The following FMN1 variants were observed in gnomAD, a reference collection of about 807,000 sequenced individuals.
The protein encoded by FMN1 is formin 1, also known as formin-1.
FMN1 carries 110 observed loss-of-function variants against 132.4 expected under a neutral mutation model. The ratio of observed to expected loss-of-function variants is 0.83; its 90% CI spans 0.71 to 0.97. The LOEUF (loss-of-function observed/expected upper bound fraction) is 0.97, where lower values mean the gene tolerates loss of function less well. FMN1 is among the 50% of genes least tolerant of loss of function. The pLI is 0.00. For missense variants in FMN1, 1,792 were observed against 1,705.3 expected, an observed-to-expected ratio of 1.05 and a Z score of -0.90; for synonymous variants, 722 against 651.7, an observed-to-expected ratio of 1.11 and a Z score of -1.64.
rs73372967 is a variant in FMN1, at chr15:32,972,796, A to C, written c.2224-3319T>G. Among the ~76,000 whole-genome samples, 777 of 152,292 alleles carry C rather than the reference A, an allele frequency of 5.1e-3. 13 individuals carry two copies. The highest frequency in any genetic ancestry group is 0.018 in the African/African-American group (752 of 41,552). ...TTGGTACCTTGAGATCATATTTCCA[A>C]GTATCCTCTGGATTAATCTACTTAA... On this transcript the variant is annotated intron_variant, in intron 7 of 20. Transcript: ENST00000616417.
intron 16 of FMN1, among the ~76,000 whole-genome samples, chr15:32,868,916 G>T (rs2059453389): frequency 1.3e-5 from 2 of 152,110 alleles, no homozygotes; most frequent in Non-Finnish European, 2.9e-5. Context: ...GAGAAACAAG[G>T]AAATGAACAA....
intron 5 of FMN1, among the ~76,000 whole-genome samples, chr15:33,075,927 A>G (rs1173017916): frequency 6.6e-6 from 1 of 152,244 alleles, no homozygotes; most frequent in Non-Finnish European, 1.5e-5. Context: ...AAGATTACAG[A>G]CATGAAAATC....
intron 4 of FMN1, among the ~76,000 whole-genome samples, chr15:33,101,351 C>G (rs950172791): frequency 2.0e-5 from 3 of 151,990 alleles, no homozygotes; most frequent in African/African-American, 7.2e-5. Context: ...CTACATAATC[C>G]TGTAATCTAG....
intron 16 of FMN1, among the ~76,000 whole-genome samples, chr15:32,867,958 C>G (rs1317439929): frequency 6.6e-6 from 1 of 152,130 alleles, no homozygotes; most frequent in Non-Finnish European, 1.5e-5. Flanking sequence ...TAATGTCTAT[C>G]TAGTGAAAGC....
At chr15:33,046,458 G>C (rs781596509) in intron 6 of FMN1, among the ~76,000 whole-genome samples, 120 of 152,190 alleles carry the variant, frequency 7.9e-4, no homozygotes, top group Admixed American at 1.3e-3. Flanking sequence ...TTGCCAGTTT[G>C]ATACTGCGTG....
intron 15 of FMN1, among the ~76,000 whole-genome samples, chr15:32,897,164 TG>T (rs2060180109): frequency 6.6e-6 from 1 of 152,232 alleles, no homozygotes; most frequent in Non-Finnish European, 1.5e-5. Flanking sequence ...GGTTTTGATT[TG>T]CATTTCCCTG....
intron 6 of FMN1, among the ~76,000 whole-genome samples, chr15:33,024,223 A>AT (rs555760509): frequency 0.012 from 1,064 of 87,968 alleles, 162 homozygotes; most frequent in Non-Finnish European, 0.018. Flanking sequence ...CACCTATCAG[A>AT]TTTTTTTTTT....
At chr15:32,783,261 G>A (rs771335079) in intron 19 of FMN1, among the ~76,000 whole-genome samples, 13 of 152,204 alleles carry the variant, frequency 8.5e-5, no homozygotes, top group East Asian at 7.7e-4. Context: ...ATTGATAAAC[G>A]TCTCAGTAAA....
intron 7 of FMN1, among the ~76,000 whole-genome samples, chr15:32,974,271 T>C (rs1399221580): frequency 6.6e-6 from 1 of 152,230 alleles, no homozygotes. Context: ...CAATACATCA[T>C]TTGAAAAGAG....
chr15:33,157,296 A>T (rs1964710929), intron 3 of FMN1, among the ~76,000 whole-genome samples: 1 of 151,864 alleles, frequency 6.6e-6, no homozygotes, highest in South Asian at 2.1e-4. Context: ...GAATCTGTTC[A>T]AAGTCACAGT....
chr15:33,020,141 G>A (rs558596924), intron 6 of FMN1, among the ~76,000 whole-genome samples: 1 of 152,226 alleles, frequency 6.6e-6, no homozygotes, highest in Non-Finnish European at 1.5e-5. Context: ...CTTGAAGTTG[G>A]TCAGTCAGAA....
At chr15:33,126,690 G>C (rs1465772823) in intron 4 of FMN1, among the ~76,000 whole-genome samples, 1 of 152,202 alleles carries the variant, frequency 6.6e-6, no homozygotes, top group African/African-American at 2.4e-5. Context: ...CAGCAGACAG[G>C]AAGCGAAGGC....
chr15:33,026,409 T>TACAC (rs532485925), intron 6 of FMN1, among the ~76,000 whole-genome samples: 2 of 21,382 alleles, frequency 9.4e-5, no homozygotes, highest in African/African-American at 2.5e-4. Flanking sequence ...CGTCCAAATT[T>TACAC]TCACACACAC....
intron 8 of FMN1, among the ~76,000 whole-genome samples, 186 bp downstream of exon 8, chr15:32,968,528 C>G (rs1437073780): frequency 2.6e-5 from 4 of 152,074 alleles, no homozygotes; most frequent in Admixed American, 1.3e-4. Flanking sequence ...TCAGAGAATA[C>G]AGAGAGGCCC....
At chr15:33,070,375 A>T (rs1246982042) in intron 5 of FMN1, among the ~76,000 whole-genome samples, 1 of 137,450 alleles carries the variant, frequency 7.3e-6, no homozygotes, top group Non-Finnish European at 1.5e-5. Context: ...GGGAGAGGGC[A>T]CGTATTTGGT....
At chr15:32,913,240 C>T (rs772243267) in intron 10 of FMN1, among the ~76,000 whole-genome samples, 2 of 152,098 alleles carry the variant, frequency 1.3e-5, no homozygotes, top group Non-Finnish European at 2.9e-5. Context: ...AAGGGAAATG[C>T]CAGGTACCTC....
chr15:33,108,965 A>G (rs1300504697), intron 4 of FMN1, among the ~76,000 whole-genome samples: 1 of 152,114 alleles, frequency 6.6e-6, no homozygotes, highest in African/African-American at 2.4e-5. Flanking sequence ...TTACCAGGAC[A>G]GAGAAGGAGT....
Position 33,043,674 on chromosome 15 carries a change from C to T in FMN1, c.2161+21283G>A, listed in dbSNP as rs188681409. Reference sequence around the variant, plus strand: ...ACAAGCAAGGTACTGATGGCAGCGGCGGCCTATATGGAGCGGCCACTGCCA... The same window carrying T: ...ACAAGCAAGGTACTGATGGCAGCGGTGGCCTATATGGAGCGGCCACTGCCA... On this transcript the variant is annotated intron_variant, in intron 6 of 20. Transcript: ENST00000616417. Among the ~76,000 whole-genome samples the T allele has an allele frequency of 1.4e-3, 212 of 152,350 alleles. 1 individual carries two copies. Among genetic ancestry groups the T allele is most frequent in the African/African-American group, 4.5e-3 (187 of 41,584 alleles).
intron 6 of FMN1, chr15:33,012,068 C>A: frequency 3.1e-6 from 1 of 326,792 alleles, no homozygotes; most frequent in Non-Finnish European, 5.7e-6. Flanking sequence ...GAAAAGCAAC[C>A]TGTCAGTGGA....
Sources: allele counts gnomAD v4.1 joint callset (sites outside exome capture counted in the v4.1 genomes callset), GRCh38; gene constraint gnomAD v4.1.1; transcripts MANE v1.5; gene names NCBI Gene and HGNC (gene_info 2026-07-23, HGNC 2026-07-21).